STK11IP: variants seen among roughly 807,000 people sequenced by gnomAD.
STK11IP encodes the protein serine/threonine-protein kinase 11-interacting protein.
STK11IP carries 103 observed loss-of-function variants against 131.7 expected under a neutral mutation model. The ratio of observed to expected loss-of-function variants is 0.78; its 90% CI spans 0.67 to 0.92. STK11IP has a LOEUF of 0.92. Among genes scored for constraint, STK11IP ranks in the 40% least tolerant of loss-of-function variants. The pLI is 0.00. For missense variants in STK11IP, 1,315 were observed against 1,385.7 expected, an observed-to-expected ratio of 0.95 and a Z score of 0.81; for synonymous variants, 557 against 575.6, an observed-to-expected ratio of 0.97 and a Z score of 0.46.
intron 15 of STK11IP, 130 bp downstream of exon 15, chr2:219,608,918 G>A: frequency 1.7e-6 from 2 of 1,199,070 alleles, no homozygotes; most frequent in African/African-American, 1.5e-5. Flanking sequence ...GAGCCTCAGA[G>A]GTTGCAAGCA....
In STK11IP at chr2:219,597,897, G is replaced by A. The variant is rs1697841165; in HGVS notation, c.-53G>A. Reference sequence around the variant, plus strand: ...TTGATAGGCGCCGGGCAGCTGAGCTGGTAGGAGGACCAGACGGGGAGGTTC... The same window carrying A: ...TTGATAGGCGCCGGGCAGCTGAGCTAGTAGGAGGACCAGACGGGGAGGTTC... On this transcript the variant is annotated 5_prime_UTR_variant, in exon 1 of 25. Coordinates refer to ENST00000456909, the MANE Select transcript of STK11IP (RefSeq NM_052902.4). 6.2e-7 allele frequency: 1 copy of A among 1,611,148 alleles called. No individual in the cohort carries two copies. The highest frequency in any genetic ancestry group is 2.2e-5 in the East Asian group (1 of 44,508).
chr2:219,613,091 T>C, intron 19 of STK11IP, 37 bp from the exon 20 acceptor site: 1 of 1,576,880 alleles, frequency 6.3e-7, no homozygotes. Context: ...TCCCCAGGCC[T>C]CTCATCAGGT....
In STK11IP at chr2:219,606,537, G is replaced by A. The variant is rs773968125; in HGVS notation, c.987+20G>A. The A allele has an allele frequency of 3.7e-6, 6 of 1,612,592 alleles. No homozygotes were observed. The highest frequency in any genetic ancestry group is 3.3e-5 in the South Asian group (3 of 90,880). On this transcript the variant is annotated intron_variant, in intron 11 of 24. Transcript: ENST00000456909. ...TTTCAGGTCGGTGTGGTTGGGGGGC[G>A]AGGACTGTTGGGGGAAGACACGAAG...
At chr2:219,606,605 G>T in intron 11 of STK11IP, 88 bp downstream of exon 11, 1 of 1,604,878 alleles carries the variant, frequency 6.2e-7, no homozygotes, top group Non-Finnish European at 8.5e-7. Flanking sequence ...TGGTGACAGG[G>T]TCTTCCTGGT....
rs763120317 is a variant in STK11IP, at chr2:219,613,852, T to A, written c.2638T>A (p.Trp880Arg). 6.2e-7 allele frequency: 1 copy of A among 1,609,970 alleles called. No homozygotes were observed. Among genetic ancestry groups the A allele is most frequent in the Non-Finnish European group, 8.5e-7 (1 of 1,178,940 alleles). ...GLAGQSLRLEWAAGAGRCVLL... is the reference protein window; with the variant it reads ...GLAGQSLRLERAAGAGRCVLL... ...GGCAGGCCAGAGCCTGCGGCTAGAGTGGGCAGCTGGGGCGGGCCGCTGTGT... is the reference window on the plus strand; with the variant it reads ...GGCAGGCCAGAGCCTGCGGCTAGAGAGGGCAGCTGGGGCGGGCCGCTGTGT... Residue 880 changes from tryptophan (W) to arginine (R), a missense_variant, in exon 21 of 25, where the codon TGG (tryptophan) becomes AGG (arginine). Trp to Arg is a moderately radical substitution (Grantham distance 101, BLOSUM62 -3). Transcript: ENST00000456909.
At chr2:219,598,206 G>GCCTCGGA (rs770048704) in intron 2 of STK11IP, 26 bp downstream of exon 2, 5 of 1,518,206 alleles carry the variant, frequency 3.3e-6, no homozygotes, top group Non-Finnish European at 3.6e-6. Context: ...GTTGGGCTGG[G>GCCTCGGA]CCTCGGACCT....
rs746562641 is a variant in STK11IP, at chr2:219,602,705, C to T, written c.547C>T (p.Arg183Cys). The T allele has an allele frequency of 3.7e-6, 6 of 1,613,466 alleles. No homozygotes were observed. Among genetic ancestry groups the T allele is most frequent in the East Asian group, 2.2e-5 (1 of 44,894 alleles). Reference sequence around the variant, plus strand: ...TCTGCCTCCTCCCCGTCTCTCTCAGCGCCTCTTGTCAGCTCTGCGTTTCTT... The same window carrying T: ...TCTGCCTCCTCCCCGTCTCTCTCAGTGCCTCTTGTCAGCTCTGCGTTTCTT... Reference protein sequence around the residue: ...NALTALDSSLRLLSALRFLNL... With the variant: ...NALTALDSSLCLLSALRFLNL... The change falls in exon 7 of 25, where the codon CGC (arginine) becomes TGC (cysteine). Residue 183 changes from arginine (R) to cysteine (C), a missense_variant and splice_region_variant. By Grantham distance (180) the Arg-to-Cys change is radical (BLOSUM62 -3). Transcript: ENST00000456909.
chr2:219,614,981 G>A, intron 23 of STK11IP, 113 bp from the exon 24 acceptor site: 1 of 1,313,106 alleles, frequency 7.6e-7, no homozygotes, highest in East Asian at 2.5e-5. Flanking sequence ...GCTGCTTTGT[G>A]ACCCACCTCA....
At chr2:219,613,703 C>T (rs1574632289) in intron 20 of STK11IP, 49 bp from the exon 21 acceptor site, 1 of 1,610,344 alleles carries the variant, frequency 6.2e-7, no homozygotes. Context: ...CTCTGGGACT[C>T]TCACTCCACT....
At chr2:219,598,484 G>A (rs967796186) in intron 2 of STK11IP, 8 of 314,020 alleles carry the variant, frequency 2.5e-5, no homozygotes, top group African/African-American at 1.3e-4. Context: ...GACTGATCTC[G>A]GTCATAATCA....
rs1399875597 is a variant in STK11IP, at chr2:219,615,097, C to T, written c.2873C>T (p.Pro958Leu). ...CTGGATGCCTCTTTCCCTGCAGGCCCTTCCACCTGCCTCGTATCCCTGTTG... is the reference window on the plus strand; with the variant it reads ...CTGGATGCCTCTTTCCCTGCAGGCCTTTCCACCTGCCTCGTATCCCTGTTG... ...FYLRAFLVEG[P>L]STCLVSLLLT... The change falls in exon 24 of 25, where the codon CCT becomes CTT. Residue 958 changes from proline (P) to leucine (L), a missense_variant. By Grantham distance (98) the Pro-to-Leu change is moderately conservative (BLOSUM62 -3). Transcript: ENST00000456909. 22 of 1,608,464 alleles carry T rather than the reference C, an allele frequency of 1.4e-5. No homozygotes were observed. Among genetic ancestry groups the T allele is most frequent in the Non-Finnish European group, 1.8e-5 (21 of 1,178,832 alleles).
Position 219,609,083 on chromosome 2 carries a change from C to A in STK11IP, c.1810-14C>A. ...CCCTGCTGTTTTTCACCCGGTCCCC[C>A]TCTTGCTGCGCAGGGCTCAGATCTG... On this transcript the variant is annotated splice_polypyrimidine_tract_variant and intron_variant, in intron 15 of 24. Coordinates refer to ENST00000456909, the MANE Select transcript of STK11IP (RefSeq NM_052902.4). 1.3e-6 allele frequency: 2 copies of A among 1,566,858 alleles called. No homozygotes were observed. The highest frequency in any genetic ancestry group is 1.7e-6 in the Non-Finnish European group (2 of 1,152,206).
At chr2:219,612,262 A>G (rs1290544061) in intron 19 of STK11IP, among the ~76,000 whole-genome samples, 2 of 152,176 alleles carry the variant, frequency 1.3e-5, no homozygotes, top group African/African-American at 4.8e-5. Flanking sequence ...GGAGATAACG[A>G]TGCCTCCCTT....
intron 22 of STK11IP, 69 bp downstream of exon 22, chr2:219,614,311 C>G: frequency 3.2e-6 from 5 of 1,585,150 alleles, no homozygotes; most frequent in Non-Finnish European, 4.3e-6. Flanking sequence ...CAGACATGGC[C>G]CTGTGCTGAG....
In STK11IP at chr2:219,606,763, G is replaced by A; in HGVS notation, c.1039G>A (p.Val347Met). The A allele has an allele frequency of 6.2e-7, 1 of 1,613,828 alleles. No individual in the cohort carries two copies. Among genetic ancestry groups the A allele is most frequent in the Non-Finnish European group, 8.5e-7 (1 of 1,179,842 alleles). The change falls in exon 12 of 25, where the codon GTG becomes ATG. Residue 347 changes from valine to methionine, a missense_variant. By Grantham distance (21) the Val-to-Met change is conservative. Coordinates refer to ENST00000456909, the MANE Select transcript of STK11IP (RefSeq NM_052902.4). ...CATGGGCCCACCTTTGCCCTGGCCA[G>A]TGGGGAGTACTCCTGAAACCTCAGG... ...SPMGPPLPWP[V>M]GSTPETSGGP...
At chr2:219,614,664 T>C in intron 23 of STK11IP, 118 bp downstream of exon 23, 1 of 1,051,656 alleles carries the variant, frequency 9.5e-7, no homozygotes, top group Non-Finnish European at 1.5e-6. Context: ...TCCTGGAACC[T>C]GGAGAACCTC....
intron 23 of STK11IP, 158 bp from the exon 24 acceptor site, chr2:219,614,936 T>C: frequency 1.2e-6 from 1 of 847,692 alleles, no homozygotes; most frequent in South Asian, 1.8e-5. Context: ...TTCATGGAGC[T>C]TGGGAAAGGG....
At chr2:219,608,451 G>T (rs1365381313) in intron 14 of STK11IP, 21 bp downstream of exon 14, 35 of 1,537,378 alleles carry the variant, frequency 2.3e-5, no homozygotes, top group Non-Finnish European at 3.1e-5. Context: ...TGTGGGCTGG[G>T]GCGAGCTGAG....
At chr2:219,601,564 G>A in intron 3 of STK11IP, 77 bp from the exon 4 acceptor site, 1 of 1,556,400 alleles carries the variant, frequency 6.4e-7, no homozygotes. Flanking sequence ...GGTACCAGTG[G>A]TTGTGCTAAG....
Sources: allele counts gnomAD v4.1 joint callset (sites outside exome capture counted in the v4.1 genomes callset), GRCh38; gene constraint gnomAD v4.1.1; transcripts MANE v1.5; gene names NCBI Gene and HGNC (gene_info 2026-07-23, HGNC 2026-07-21).